The following EPS15L1 variants were observed in gnomAD, a reference collection of about 807,000 sequenced individuals.
The protein encoded by EPS15L1 is epidermal growth factor receptor pathway substrate 15 like 1.
In EPS15L1, 43 loss-of-function variants were observed where a neutral mutation model predicts 117.1. That is an observed-to-expected ratio of 0.37 (90% CI 0.29 to 0.47). The LOEUF (loss-of-function observed/expected upper bound fraction) is 0.47. Among genes scored for constraint, EPS15L1 ranks in the 20% least tolerant of loss-of-function variants. The probability of loss-of-function intolerance (pLI) is 0.99; values close to 1 mark genes in which losing one functional copy is unlikely to be tolerated. For synonymous variants in EPS15L1, 459 were observed against 470.5 expected (o/e 0.98, Z 0.32); for missense variants, 981 against 1,164.0 (o/e 0.84, Z 2.29).
intron 15 of EPS15L1, among the ~76,000 whole-genome samples, chr19:16,403,245 G>A (rs76056475): frequency 6.6e-6 from 1 of 152,188 alleles, no homozygotes; most frequent in Non-Finnish European, 1.5e-5. Flanking sequence ...CCCCTGGACT[G>A]GGAAGAGGGT....
Position 16,355,764 on chromosome 19 carries a change from C to CCTGCCG in EPS15L1, c.2668_2673dup (p.Arg890_Gln891dup). 6.5e-7 allele frequency: 1 copy of CCTGCCG among 1,536,088 alleles called. No individual in the cohort carries two copies. ...ATGGCCAGTTCCAGGTCCTCCTGCT[C>CCTGCCG]CTGCCGCCGCAGCCGCGCCAGCCTC... On this transcript the variant is annotated inframe_insertion, in exon 24 of 24. Coordinates refer to ENST00000455140, the MANE Select transcript of EPS15L1 (RefSeq NM_001258374.3).
chr19:16,462,386 C>T (rs2093261437), intron 1 of EPS15L1, among the ~76,000 whole-genome samples: 1 of 152,104 alleles, frequency 6.6e-6, no homozygotes. Context: ...GGGGGGAGGG[C>T]ATGGTGGCTC....
At chr19:16,423,678 G>A (rs890728057) in intron 9 of EPS15L1, among the ~76,000 whole-genome samples, 2 of 152,160 alleles carry the variant, frequency 1.3e-5, no homozygotes, top group African/African-American at 4.8e-5. Flanking sequence ...TAAATTTTGT[G>A]AGCCTTCTCA....
intron 1 of EPS15L1, among the ~76,000 whole-genome samples, chr19:16,450,455 G>A (rs1267027080): frequency 2.0e-5 from 3 of 150,854 alleles, no homozygotes; most frequent in African/African-American, 7.3e-5. Context: ...CGGAGGCCGT[G>A]AGCCCCAGGC....
intron 7 of EPS15L1, among the ~76,000 whole-genome samples, chr19:16,432,747 G>C (rs1326854619): frequency 6.6e-6 from 1 of 151,964 alleles, no homozygotes; most frequent in Non-Finnish European, 1.5e-5. Flanking sequence ...CTCCAGCCTG[G>C]GTGACAGAGC....
In EPS15L1 at chr19:16,381,550, C is replaced by T. The variant is rs2092363004; in HGVS notation, c.2247+3579G>A. ...AGGAAATGAGGTGCCATGTGACAGG[C>T]ATCAGTCCACTCACTGGCACTAGAT... is the stretch of plus-strand genomic sequence containing the variant. On this transcript the variant is annotated intron_variant, in intron 21 of 23. Transcript: ENST00000455140. This position sits in a 1 kb window ranked among gnomAD's most constrained non-coding sequence, Gnocchi z 4.2. Among the ~76,000 whole-genome samples, 1 of 152,234 alleles carries T rather than the reference C, an allele frequency of 6.6e-6. No homozygotes were observed.
At chr19:16,461,032 G>A (rs971567643) in intron 1 of EPS15L1, among the ~76,000 whole-genome samples, 17 of 152,184 alleles carry the variant, frequency 1.1e-4, no homozygotes, top group Middle Eastern at 3.2e-3. Flanking sequence ...GGGGCCAGGC[G>A]CGGTGGCTCA....
chr19:16,366,242 A>T (rs1397738576), intron 22 of EPS15L1, among the ~76,000 whole-genome samples: 1 of 152,024 alleles, frequency 6.6e-6, no homozygotes, highest in Non-Finnish European at 1.5e-5. Flanking sequence ...CCTGAGGCAG[A>T]TTTGCAAGAA....
At chr19:16,388,683 T>C (rs969136723) in intron 19 of EPS15L1, among the ~76,000 whole-genome samples, 1 of 151,794 alleles carries the variant, frequency 6.6e-6, no homozygotes. Context: ...AGAAATTAGC[T>C]GGGCATAGTG....
chr19:16,419,573 CA>C (rs1227601590), intron 10 of EPS15L1, among the ~76,000 whole-genome samples: 1 of 152,200 alleles, frequency 6.6e-6, no homozygotes, highest in Non-Finnish European at 1.5e-5. Context: ...GCTGCCCTCT[CA>C]ACGAGGGACC....
chr19:16,359,509 T>C (rs2092023815), intron 23 of EPS15L1, among the ~76,000 whole-genome samples: 1 of 152,152 alleles, frequency 6.6e-6, no homozygotes, highest in African/African-American at 2.4e-5. Context: ...TGAAGTACAC[T>C]ATCTGATCAT....
At chr19:16,448,234 G>A (rs1395127643) in intron 1 of EPS15L1, among the ~76,000 whole-genome samples, 2 of 152,172 alleles carry the variant, frequency 1.3e-5, no homozygotes, top group African/African-American at 4.8e-5. Flanking sequence ...TTTGCACTGT[G>A]AAAGAGCCAT....
chr19:16,436,175 C>T (rs182963037), intron 6 of EPS15L1, among the ~76,000 whole-genome samples: 6 of 152,278 alleles, frequency 3.9e-5, no homozygotes, highest in South Asian at 2.1e-4. Flanking sequence ...GCAAACCAAC[C>T]GTGTAAACAT....
chr19:16,377,254 G>A lies in EPS15L1; in HGVS notation c.2248C>T (p.Pro750Ser), dbSNP rs1398331137. The A allele has an allele frequency of 1.9e-6, 3 of 1,610,052 alleles. No individual in the cohort carries two copies. Among genetic ancestry groups the A allele is most frequent in the Non-Finnish European group, 2.5e-6 (3 of 1,178,840 alleles). The part of the protein sequence containing the change: ...GFADFSQMSK[P>S]PPSGPFTSSL... ...GAGGTGAAAGGGCCAGAAGGTGGGG[G>A]CTGTAAGAGAGGACATGAAAGAGAG... The change falls in exon 22 of 24, where the codon CCC (proline) becomes TCC (serine). Residue 750 changes from proline (P) to serine (S), a missense_variant and splice_region_variant. Pro to Ser is a moderately conservative substitution (Grantham distance 74, BLOSUM62 -1). Around this residue, in one of 5 missense-constraint regions of EPS15L1, gnomAD observed 819 missense variants for 949.0 expected, o/e 0.86. Transcript: ENST00000455140.
chr19:16,388,892 G>A (rs1417019341), intron 19 of EPS15L1, among the ~76,000 whole-genome samples: 1 of 151,992 alleles, frequency 6.6e-6, no homozygotes, highest in African/African-American at 2.4e-5. Context: ...GGAAGGCAGT[G>A]GAAAAACACA....
chr19:16,407,315 T>C (rs1262585380), intron 13 of EPS15L1, among the ~76,000 whole-genome samples: 1 of 152,060 alleles, frequency 6.6e-6, no homozygotes, highest in East Asian at 1.9e-4. Flanking sequence ...CAGCATTTTT[T>C]TTTCTTTTGA....
chr19:16,460,284 T>TA (rs1177414544), intron 1 of EPS15L1, among the ~76,000 whole-genome samples: 1 of 151,728 alleles, frequency 6.6e-6, no homozygotes, highest in Admixed American at 6.6e-5. Context: ...TCTCTAAAAA[T>TA]AAAAAAAGAA....
At chr19:16,393,466 G>A (rs924733103) in intron 18 of EPS15L1, among the ~76,000 whole-genome samples, 13 of 151,682 alleles carry the variant, frequency 8.6e-5, no homozygotes, top group Non-Finnish European at 1.3e-4. Flanking sequence ...TGGCTAACAC[G>A]GTGAAACCCC....
intron 19 of EPS15L1, among the ~76,000 whole-genome samples, chr19:16,388,700 G>A (rs995394700): frequency 6.6e-6 from 1 of 152,076 alleles, no homozygotes; most frequent in African/African-American, 2.4e-5. Flanking sequence ...AGTGGCGGGC[G>A]CCTGTAGTCC....
Sources: gnomAD v4.1 joint callset for allele counts (sites outside exome capture counted in the v4.1 genomes callset) on GRCh38, gnomAD v4.1.1 for gene constraint, gnomAD v4.1.1 regional missense constraint, Gnocchi (gnomAD v3.1) non-coding constraint, MANE v1.5 for transcripts, NCBI Gene and HGNC (gene_info 2026-07-23, HGNC 2026-07-21) for gene names.